The following LRRFIP1 variants were observed in gnomAD, a reference collection of about 807,000 sequenced individuals.
LRRFIP1 encodes LRR binding FLII interacting protein 1.
A neutral mutation model predicts 104.4 loss-of-function variants in LRRFIP1; 62 were observed. The ratio of observed to expected loss-of-function variants is 0.59; its 90% confidence interval spans 0.48 to 0.73. LRRFIP1 has a LOEUF of 0.73. Ranked by LOEUF, LRRFIP1 falls within the 30% of genes least tolerant of loss-of-function variation. The pLI is 0.00. For synonymous variants in LRRFIP1, 300 were observed against 299.0 expected (o/e 1.00, Z -0.03); for missense variants, 796 against 824.5 (o/e 0.97, Z 0.42).
chr2:237,750,049 A>C, intron 13 of LRRFIP1, among the ~76,000 whole-genome samples: 1 of 150,934 alleles, frequency 6.6e-6, no homozygotes, highest in East Asian at 2.0e-4. Context: ...GAACTGACTC[A>C]GATTCTGAAT....
rs567397963 is a variant in LRRFIP1, at chr2:237,763,925, A to G, written c.1459+3720A>G. The G allele has an allele frequency of 7.4e-6, 12 of 1,614,262 alleles. No individual in the cohort carries two copies. In the East Asian group the frequency reaches 1.8e-4, roughly 24 times the overall value. Reference sequence around the variant, plus strand: ...CGAACATGAAAGTCCCTCACAGGACATTAGTGATGCCTGTGAAGCAGAAAG... The same window carrying G: ...CGAACATGAAAGTCCCTCACAGGACGTTAGTGATGCCTGTGAAGCAGAAAG... On this transcript the variant is annotated intron_variant, in intron 19 of 23. Coordinates refer to ENST00000308482, the MANE Select transcript of LRRFIP1 (RefSeq NM_001137550.2).
chr2:237,752,927 G>A (rs993261486), intron 14 of LRRFIP1, among the ~76,000 whole-genome samples: 39 of 152,178 alleles, frequency 2.6e-4, no homozygotes, highest in Non-Finnish European at 5.3e-4. Context: ...CACACGCCTC[G>A]AGTGATTCTT....
intron 1 of LRRFIP1, among the ~76,000 whole-genome samples, chr2:237,659,111 T>A (rs12992035): frequency 0.13 from 20,402 of 152,010 alleles, 1,871 homozygotes; most frequent in Non-Finnish European, 0.21. Context: ...CTTTTTTTAA[T>A]GAGACAGGGT....
In LRRFIP1 at chr2:237,627,632, G is replaced by T; in HGVS notation, c.-13G>T. 1 of 1,303,936 alleles carries T rather than the reference G, an allele frequency of 7.7e-7. No homozygotes were observed. The allele number at this position is 1,303,936 out of a possible 1,614,324, so 80.8% of individuals were successfully genotyped here. ...AGCAACGGGCCCCGCGGCAGCTGCG[G>T]GCGACGCGGTCGATGGACATGGGCA... On this transcript the variant is annotated 5_prime_UTR_variant, in exon 1 of 24. Coordinates refer to ENST00000308482, the MANE Select transcript of LRRFIP1 (RefSeq NM_001137550.2).
rs149756911 is a variant in LRRFIP1, at chr2:237,649,484, T to C, written c.96+21744T>C. On this transcript the variant is annotated intron_variant, in intron 1 of 23. Transcript: ENST00000308482. The surrounding 1 kb of genome is among the most constrained non-coding windows in gnomAD (Gnocchi z 4.1). ...ACGTGGAGGCTGCAGTGAGCCAAGA[T>C]TGTGCCATTGCACTCCAGCCTGGGC... Among the ~76,000 whole-genome samples, 2,438 of 152,052 alleles carry C rather than the reference T, an allele frequency of 0.016. 60 individuals are homozygous for C. Among genetic ancestry groups the C allele is most frequent in the African/African-American group, 0.056 (2,322 of 41,550 alleles).
At chr2:237,725,097 C>T (rs938745909) in intron 7 of LRRFIP1, among the ~76,000 whole-genome samples, 1 of 152,194 alleles carries the variant, frequency 6.6e-6, no homozygotes, top group Admixed American at 6.5e-5. Flanking sequence ...GGCATTTACC[C>T]TTGTATCTTA....
intron 1 of LRRFIP1, among the ~76,000 whole-genome samples, chr2:237,645,539 C>T (rs1016425828): frequency 6.6e-6 from 1 of 151,990 alleles, no homozygotes; most frequent in African/African-American, 2.4e-5. Flanking sequence ...GCTGCTCCAG[C>T]AGGAGCTCTC....
rs2085497606 is a variant in LRRFIP1, at chr2:237,649,295, C to T, written c.96+21555C>T. On this transcript the variant is annotated intron_variant, in intron 1 of 23. Transcript: ENST00000308482. The surrounding 1 kb of genome is among the most constrained non-coding windows in gnomAD (Gnocchi z 4.1). Reference sequence around the variant, plus strand: ...CTGTAATCCCAGCACTTTGGGAGGCCAGGGCGGGCAGATAACTTGAGGTCA... The same window carrying T: ...CTGTAATCCCAGCACTTTGGGAGGCTAGGGCGGGCAGATAACTTGAGGTCA... 6.6e-6 allele frequency among the ~76,000 whole-genome samples: 1 copy of T among 151,896 alleles called. No homozygotes were observed. The highest frequency in any genetic ancestry group is 6.6e-5 in the Admixed American group (1 of 15,260).
At chr2:237,633,054 C>T (rs1030479655) in intron 1 of LRRFIP1, among the ~76,000 whole-genome samples, 2 of 152,188 alleles carry the variant, frequency 1.3e-5, no homozygotes, top group Admixed American at 6.5e-5. Flanking sequence ...CCCCTTTGTT[C>T]CACAGGAGTT....
At chr2:237,656,629 T>A (rs1435208453) in intron 1 of LRRFIP1, among the ~76,000 whole-genome samples, 3 of 152,212 alleles carry the variant, frequency 2.0e-5, no homozygotes, top group Non-Finnish European at 4.4e-5. Flanking sequence ...TTATGGAATA[T>A]CCATGTGACT....
rs1312627401 is a variant in LRRFIP1 at position 237,691,887 on chromosome 2, T to G, written c.97-16657T>G. Among the ~76,000 whole-genome samples, 1 of 144,532 alleles carries G rather than the reference T, an allele frequency of 6.9e-6. No individual in the cohort carries two copies. The highest frequency in any genetic ancestry group is 2.5e-5 in the African/African-American group (1 of 39,324). 94.8% of individuals were successfully genotyped at this position (144,532 alleles called of 152,430 possible). ...GAGGGGCGGGGCAGGACCAGGAAGA[T>G]CCTTCCGAGACGGAGCGCGGGGGGC... is the stretch of plus-strand genomic sequence containing the variant. On this transcript the variant is annotated intron_variant, in intron 1 of 23. Transcript: ENST00000308482. The surrounding 1 kb of genome is among the most constrained non-coding windows in gnomAD (Gnocchi z 5.4).
intron 1 of LRRFIP1, among the ~76,000 whole-genome samples, chr2:237,667,519 G>A (rs1230142288): frequency 1.3e-5 from 2 of 152,134 alleles, no homozygotes; most frequent in South Asian, 4.1e-4. Context: ...GTAAACATAC[G>A]TGTGCACATG....
intron 1 of LRRFIP1, among the ~76,000 whole-genome samples, chr2:237,640,134 T>TTAAACC (rs2083702602): frequency 6.6e-6 from 1 of 152,168 alleles, no homozygotes; most frequent in African/African-American, 2.4e-5. Context: ...TTCTTGGCGT[T>TTAAACC]TCCTGCATTT....
At chr2:237,659,260 A>T (rs1021577561) in intron 1 of LRRFIP1, among the ~76,000 whole-genome samples, 2 of 151,096 alleles carry the variant, frequency 1.3e-5, no homozygotes, top group African/African-American at 4.9e-5. Flanking sequence ...CACTCGGCAA[A>T]TTTTTTTTTA....
Position 237,779,413 on chromosome 2 carries a change from C to T in LRRFIP1, c.1813-9C>T, listed in dbSNP as rs372350126. 4.3e-6 allele frequency: 7 copies of T among 1,612,074 alleles called. No homozygotes were observed. Among genetic ancestry groups the T allele is most frequent in the South Asian group, 2.2e-5 (2 of 90,898 alleles). On this transcript the variant is annotated splice_polypyrimidine_tract_variant and intron_variant, in intron 23 of 23. Coordinates refer to ENST00000308482, the MANE Select transcript of LRRFIP1 (RefSeq NM_001137550.2). ...TCCTTAAAGCTCACTGCCTTTCCTC[C>T]GTTCCCAGCTCCGCTCTGCATTGGA...
chr2:237,646,912 A>T (rs1216735447), intron 1 of LRRFIP1, among the ~76,000 whole-genome samples: 1 of 151,992 alleles, frequency 6.6e-6, no homozygotes, highest in Non-Finnish European at 1.5e-5. Context: ...TATCATTCCC[A>T]TATGAAAATT....
At chr2:237,704,870 G>A (rs867477351) in intron 1 of LRRFIP1, among the ~76,000 whole-genome samples, 2 of 152,158 alleles carry the variant, frequency 1.3e-5, no homozygotes, top group African/African-American at 2.4e-5. Context: ...TTCATCCATG[G>A]GGTTCCTTTA....
rs760042377 is a variant in LRRFIP1 at position 237,714,151 on chromosome 2, G to A, written c.184-108G>A. On this transcript the variant is annotated intron_variant, in intron 2 of 23. Coordinates refer to ENST00000308482, the MANE Select transcript of LRRFIP1 (RefSeq NM_001137550.2). ...TTCTTATTCACATTTTACTGTATTC[G>A]TTGTGACTTGATTCATATGTCTAGT... is the stretch of plus-strand genomic sequence containing the variant. The A allele has an allele frequency of 3.7e-5, 25 of 678,970 alleles. No homozygotes were observed. In the Middle Eastern group the frequency reaches 1.3e-3, roughly 34 times the overall value. The allele number at this position is 678,970 out of a possible 1,614,324, so 42.1% of individuals were successfully genotyped here. A position where few individuals can be genotyped will look rare whatever the true frequency, so the allele number is the denominator to read the frequency against.
chr2:237,666,554 T>C (rs35028257), intron 1 of LRRFIP1, among the ~76,000 whole-genome samples: 12,617 of 137,394 alleles, frequency 0.092, 602 homozygotes, highest in East Asian at 0.21. Flanking sequence ...TTCTTGCTCC[T>C]CTTCTTGGGT....
Sources: gnomAD v4.1 joint callset for allele counts (sites outside exome capture counted in the v4.1 genomes callset) on GRCh38, gnomAD v4.1.1 for gene constraint, Gnocchi (gnomAD v3.1) non-coding constraint, MANE v1.5 for transcripts, NCBI Gene and HGNC (gene_info 2026-07-23, HGNC 2026-07-21) for gene names.